The following SDK1 variants were observed in gnomAD, a reference collection of about 807,000 sequenced individuals.
The protein encoded by SDK1 is protein sidekick-1.
A neutral mutation model predicts 245.5 loss-of-function variants in SDK1; 157 were observed. The observed-to-expected ratio is 0.64, with a 90% CI of 0.56 to 0.73. SDK1 has a LOEUF of 0.73. Ranked by LOEUF, SDK1 falls within the 30% of genes least tolerant of loss-of-function variation. SDK1 has a pLI of 0.00. For missense variants in SDK1, 3,583 were observed against 3,002.3 expected (o/e 1.19, Z -4.52); for synonymous variants, 1,647 against 1,278.5 (o/e 1.29, Z -6.15).
intron 4 of SDK1, among the ~76,000 whole-genome samples, chr7:3,654,719 A>G (rs569882356): frequency 2.0e-5 from 3 of 152,362 alleles, no homozygotes; most frequent in East Asian, 3.9e-4. Context: ...GAATAGCCCA[A>G]GAGCATGGGG....
chr7:3,764,880 T>A (rs1780208997), intron 4 of SDK1, among the ~76,000 whole-genome samples: 1 of 152,130 alleles, frequency 6.6e-6, no homozygotes, highest in Admixed American at 6.5e-5. Flanking sequence ...AAGGCATTTT[T>A]AAAAATAAAA....
At chr7:3,705,501 T>A (rs976997252) in intron 4 of SDK1, among the ~76,000 whole-genome samples, 1 of 149,132 alleles carries the variant, frequency 6.7e-6, no homozygotes, top group African/African-American at 2.5e-5. Flanking sequence ...ATTTTTTATT[T>A]TATTTTTGCA....
At chr7:3,668,323 A>G (rs1783598224) in intron 4 of SDK1, among the ~76,000 whole-genome samples, 1 of 152,204 alleles carries the variant, frequency 6.6e-6, no homozygotes, top group Admixed American at 6.5e-5. Flanking sequence ...TTTCATGGCA[A>G]AAGTTGGTAT....
intron 4 of SDK1, among the ~76,000 whole-genome samples, chr7:3,734,960 C>T (rs1313648993): frequency 6.6e-6 from 1 of 152,078 alleles, no homozygotes; most frequent in Non-Finnish European, 1.5e-5. Context: ...TTCATTCTCC[C>T]GACGTGCACA....
rs184678250 is a variant in SDK1, at chr7:3,619,031, C to G, written c.299-49C>G. 2.7e-5 allele frequency: 39 copies of G among 1,422,880 alleles called. No homozygotes were observed. In the Middle Eastern group the frequency reaches 5.4e-4, roughly 20 times the overall value. The allele number at this position is 1,422,880 out of a possible 1,614,324, so 88.1% of individuals were successfully genotyped here. On this transcript the variant is annotated intron_variant, in intron 1 of 44. Coordinates refer to ENST00000404826, the MANE Select transcript of SDK1 (RefSeq NM_152744.4). ...GATTTATTAAATTAGATGAGTGCCA[C>G]TTTCATGCGTACTTCAGTTTTGTTT...
intron 44 of SDK1, among the ~76,000 whole-genome samples, chr7:4,256,262 G>A (rs1456283226): frequency 6.6e-6 from 1 of 152,214 alleles, no homozygotes; most frequent in Non-Finnish European, 1.5e-5. Context: ...CTTTTCACCA[G>A]TTAAATCATT....
intron 1 of SDK1, among the ~76,000 whole-genome samples, chr7:3,467,608 A>T (rs1327860729): frequency 6.6e-6 from 1 of 152,054 alleles, no homozygotes; most frequent in Non-Finnish European, 1.5e-5. Context: ...AGTATGATAG[A>T]AGTTGGAATT....
At chr7:3,893,337 G>A (rs370019949) in intron 5 of SDK1, among the ~76,000 whole-genome samples, 4 of 152,030 alleles carry the variant, frequency 2.6e-5, no homozygotes, top group Non-Finnish European at 2.9e-5. Flanking sequence ...CAGGATGGCC[G>A]GGGGGAGGAT....
chr7:4,126,982 C>G (rs1356054314), intron 25 of SDK1, among the ~76,000 whole-genome samples: 2 of 152,148 alleles, frequency 1.3e-5, no homozygotes, highest in African/African-American at 4.8e-5. Context: ...ATCCTCACGC[C>G]CCCTTCTCTC....
At chr7:3,423,722 C>T (rs1232382793) in intron 1 of SDK1, among the ~76,000 whole-genome samples, 1 of 151,972 alleles carries the variant, frequency 6.6e-6, no homozygotes, top group African/African-American at 2.4e-5. Context: ...AAAATTCCTT[C>T]CAAGAAACCA....
intron 5 of SDK1, among the ~76,000 whole-genome samples, chr7:3,927,770 T>C (rs796396361): frequency 1.6e-4 from 24 of 152,322 alleles, no homozygotes; most frequent in African/African-American, 5.1e-4. Flanking sequence ...CATAAATAGA[T>C]TTCTGAGGTA....
At chr7:3,437,252 C>G (rs1180697722) in intron 1 of SDK1, among the ~76,000 whole-genome samples, 1 of 151,536 alleles carries the variant, frequency 6.6e-6, no homozygotes, top group Non-Finnish European at 1.5e-5. Context: ...TTTTTTTTCT[C>G]TTAAAAAGTC....
At chr7:3,610,796 G>T (rs1405876479) in intron 1 of SDK1, among the ~76,000 whole-genome samples, 1 of 152,200 alleles carries the variant, frequency 6.6e-6, no homozygotes, top group Non-Finnish European at 1.5e-5. Flanking sequence ...CTGGCTGACT[G>T]CATAGGCAAA....
At chr7:3,829,195 A>C (rs1779854576) in intron 5 of SDK1, among the ~76,000 whole-genome samples, 2 of 152,244 alleles carry the variant, frequency 1.3e-5, no homozygotes, top group South Asian at 4.1e-4. Context: ...CTTCAAATTT[A>C]TGATGAAAAA....
intron 1 of SDK1, among the ~76,000 whole-genome samples, chr7:3,611,326 G>A (rs1307142657): frequency 6.6e-6 from 1 of 152,152 alleles, no homozygotes; most frequent in Non-Finnish European, 1.5e-5. Context: ...GAATTAGTAT[G>A]TACCATTCGT....
At chr7:3,987,358 A>G (rs1157673518) in intron 14 of SDK1, 36 bp downstream of exon 14, 1 of 1,609,148 alleles carries the variant, frequency 6.2e-7, no homozygotes. Flanking sequence ...CATGGACGAT[A>G]ATCAGATTTT....
At chr7:3,460,402 A>T (rs1305953571) in intron 1 of SDK1, among the ~76,000 whole-genome samples, 2 of 152,352 alleles carry the variant, frequency 1.3e-5, no homozygotes, top group South Asian at 2.1e-4. Context: ...GTACGTGTTT[A>T]TGCTATTGAA....
chr7:4,028,311 C>T (rs903819565), intron 17 of SDK1, among the ~76,000 whole-genome samples: 1 of 152,176 alleles, frequency 6.6e-6, no homozygotes, highest in Non-Finnish European at 1.5e-5. Flanking sequence ...TGAGCCCCAC[C>T]AGCTGTCATA....
chr7:3,514,297 G>C (rs777759275), intron 1 of SDK1, among the ~76,000 whole-genome samples: 1 of 152,078 alleles, frequency 6.6e-6, no homozygotes, highest in Non-Finnish European at 1.5e-5. Flanking sequence ...TCTTGGGTGT[G>C]TCTTTATGTG....
Sources: gnomAD v4.1 joint callset for allele counts (sites outside exome capture counted in the v4.1 genomes callset) on GRCh38, gnomAD v4.1.1 for gene constraint, MANE v1.5 for transcripts, NCBI Gene and HGNC (gene_info 2026-07-23, HGNC 2026-07-21) for gene names.